TMEM87B: variants seen among roughly 807,000 people sequenced by gnomAD.
The protein encoded by TMEM87B is transmembrane protein 87B.
TMEM87B carries 83 observed loss-of-function variants against 80.3 expected under a neutral mutation model. That is an observed-to-expected ratio of 1.03 (90% CI 0.87 to 1.24). The LOEUF is 1.24. Among genes scored for constraint, TMEM87B ranks in the 50% most tolerant of loss-of-function variants. The pLI is 0.00. For missense variants in TMEM87B, 625 were observed against 674.4 expected (o/e 0.93, Z 0.81); for synonymous variants, 219 against 230.5 (o/e 0.95, Z 0.45).
At chr2:112,080,596 A>G (rs183510085) in intron 6 of TMEM87B, among the ~76,000 whole-genome samples, 2 of 152,184 alleles carry the variant, frequency 1.3e-5, no homozygotes, top group East Asian at 1.9e-4. Flanking sequence ...TTTTCTTGCT[A>G]TTGAGTTGTT....
intron 4 of TMEM87B, among the ~76,000 whole-genome samples, chr2:112,072,799 T>C (rs902446986): frequency 6.6e-6 from 1 of 152,142 alleles, no homozygotes; most frequent in South Asian, 2.1e-4. Context: ...TTTCTTGTCT[T>C]CTGCCAGCTT....
intron 15 of TMEM87B, among the ~76,000 whole-genome samples, chr2:112,105,364 G>C (rs1161657367): frequency 1.3e-5 from 2 of 152,122 alleles, no homozygotes; most frequent in Admixed American, 6.5e-5. Flanking sequence ...TGTGTGTCAG[G>C]CATTTTATAT....
chr2:112,089,872 C>T (rs1446944915), intron 10 of TMEM87B, among the ~76,000 whole-genome samples, 154 bp downstream of exon 10: 3 of 152,156 alleles, frequency 2.0e-5, no homozygotes, highest in African/African-American at 7.2e-5. Flanking sequence ...TAAAATACTT[C>T]CTGAAAGGCA....
chr2:112,112,779 A>G (rs1679952899), intron 17 of TMEM87B, 120 bp from the exon 18 acceptor site: 2 of 898,868 alleles, frequency 2.2e-6, no homozygotes, highest in Non-Finnish European at 3.5e-6. Context: ...CCCTTCTGTC[A>G]CCTGTGGATA....
At chr2:112,063,664 C>T (rs1332251780) in intron 2 of TMEM87B, among the ~76,000 whole-genome samples, 1 of 152,204 alleles carries the variant, frequency 6.6e-6, no homozygotes, top group Non-Finnish European at 1.5e-5. Flanking sequence ...TCATGCTCTC[C>T]TGGGCTATGA....
intron 4 of TMEM87B, among the ~76,000 whole-genome samples, chr2:112,071,592 C>T (rs1287048788): frequency 6.6e-6 from 1 of 152,126 alleles, no homozygotes; most frequent in Admixed American, 6.6e-5. Flanking sequence ...CAGGAGTGAG[C>T]CACCACGCCC....
intron 3 of TMEM87B, among the ~76,000 whole-genome samples, chr2:112,065,528 C>T (rs1428416760): frequency 6.6e-6 from 1 of 151,652 alleles, no homozygotes; most frequent in Non-Finnish European, 1.5e-5. Flanking sequence ...GCCTATAGTC[C>T]CAGCTGTTCG....
At chr2:112,061,088 C>A (rs1051030555) in intron 2 of TMEM87B, among the ~76,000 whole-genome samples, 2 of 152,090 alleles carry the variant, frequency 1.3e-5, no homozygotes, top group African/African-American at 4.8e-5. Flanking sequence ...AATTGCTGGA[C>A]AACATTTTAA....
intron 6 of TMEM87B, among the ~76,000 whole-genome samples, chr2:112,078,946 C>T (rs573012304): frequency 5.9e-5 from 9 of 152,164 alleles, no homozygotes; most frequent in South Asian, 4.1e-4. Context: ...TTTAGAATAG[C>T]GTGTATACAA....
intron 3 of TMEM87B, among the ~76,000 whole-genome samples, chr2:112,066,191 T>C (rs796926989): frequency 3.6e-4 from 55 of 152,334 alleles, no homozygotes; most frequent in African/African-American, 1.2e-3. Context: ...ACTGTGCTGA[T>C]TGCTGAATGG....
chr2:112,077,233 T>C lies in TMEM87B; in HGVS notation c.543T>C (p.Phe181=). The part of the protein sequence containing the change: ...ARTQKDGFHI[F]IVSIKTENTD... ...CACAAAAAGATGGGTTTCATATCTT[T>C]ATTGTTTCTATTAAAACGGAGAATA... The change falls in exon 6 of 19, where the codon TTT becomes TTC. Residue 181 remains phenylalanine, a synonymous_variant. Transcript: ENST00000283206. 5 of 1,597,948 alleles carry C rather than the reference T, an allele frequency of 3.1e-6. No individual in the cohort carries two copies. Among genetic ancestry groups the C allele is most frequent in the East Asian group, 4.5e-5 (2 of 44,184 alleles).
At chr2:112,092,826 GAA>G (rs1440775145) in intron 11 of TMEM87B, among the ~76,000 whole-genome samples, 1 of 152,172 alleles carries the variant, frequency 6.6e-6, no homozygotes, top group Non-Finnish European at 1.5e-5. Context: ...GGCACTTGTG[GAA>G]ATGGGAGGAA....
At position 112,055,281 on chromosome 2, in the gene TMEM87B, A is replaced by G. The variant is rs1021210388; in HGVS notation, c.-311A>G. ...CGGCTCCTCTTCTATCTTCACGCCCACGCTAGGCCCTGAGCCCAGCCTCCA... is the reference window on the plus strand; with the variant it reads ...CGGCTCCTCTTCTATCTTCACGCCCGCGCTAGGCCCTGAGCCCAGCCTCCA... On this transcript the variant is annotated 5_prime_UTR_variant, in exon 1 of 19. Transcript: ENST00000283206. 3 of 378,602 alleles carry G rather than the reference A, an allele frequency of 7.9e-6. 1 individual carries two copies. The East Asian group carries it at 1.4e-4, about 18-fold the overall frequency. The allele number at this position is 378,602 out of a possible 1,614,324, so 23.5% of individuals were successfully genotyped here. A position where few individuals can be genotyped will look rare whatever the true frequency, so the allele number is the denominator to read the frequency against.
chr2:112,107,487 C>G (rs939092591), intron 16 of TMEM87B, among the ~76,000 whole-genome samples: 3 of 151,574 alleles, frequency 2.0e-5, no homozygotes, highest in African/African-American at 7.3e-5. Context: ...AATATCCTTG[C>G]TATTTTCTAT....
intron 17 of TMEM87B, among the ~76,000 whole-genome samples, chr2:112,112,081 G>A (rs1168800377): frequency 1.3e-5 from 2 of 151,986 alleles, no homozygotes; most frequent in Non-Finnish European, 2.9e-5. Flanking sequence ...CAGTCTCCTG[G>A]CCCTCCTGGC....
At position 112,064,174 on chromosome 2, in the gene TMEM87B, A is replaced by G; in HGVS notation, c.239A>G (p.His80Arg). The change falls in exon 3 of 19, where the codon CAT becomes CGT. Residue 80 changes from histidine (H) to arginine (R), a missense_variant. Coordinates refer to ENST00000283206, the MANE Select transcript of TMEM87B (RefSeq NM_032824.3). ...TTTTTCTAAACAGTTAAGTCATTCC[A>G]TTGTTCTGGGCCTGTGAAGTTTACC... ...TDIKLSVKSF[H>R]CSGPVKFTIV... 1 of 1,613,540 alleles carries G rather than the reference A, an allele frequency of 6.2e-7. No individual in the cohort carries two copies. Among genetic ancestry groups the G allele is most frequent in the Non-Finnish European group, 8.5e-7 (1 of 1,179,756 alleles).
intron 3 of TMEM87B, among the ~76,000 whole-genome samples, chr2:112,065,643 C>CAAAA (rs58619427): frequency 1.3e-5 from 1 of 75,330 alleles, no homozygotes; most frequent in African/African-American, 4.6e-5. Context: ...ACCTTGTCTT[C>CAAAA]AAAAAAAAAA....
At chr2:112,109,416 A>G (rs919049499) in intron 17 of TMEM87B, among the ~76,000 whole-genome samples, 5 of 152,066 alleles carry the variant, frequency 3.3e-5, no homozygotes, top group African/African-American at 1.2e-4. Context: ...TTATGTGAAA[A>G]TGTATTTACT....
intron 8 of TMEM87B, among the ~76,000 whole-genome samples, chr2:112,082,926 C>T (rs57781773): frequency 0.072 from 10,955 of 152,140 alleles, 878 homozygotes; most frequent in African/African-American, 0.2. Context: ...TCTGAGATGG[C>T]ACTAGAGGGC....
Sources: allele counts gnomAD v4.1 joint callset (sites outside exome capture counted in the v4.1 genomes callset), GRCh38; gene constraint gnomAD v4.1.1; transcripts MANE v1.5; gene names NCBI Gene and HGNC (gene_info 2026-07-23, HGNC 2026-07-21).